Variants in FAM220A observed in about 807,000 individuals in gnomAD.
FAM220A encodes the protein protein FAM220A.
For synonymous variants in FAM220A, 141 were observed against 130.7 expected, an observed-to-expected ratio of 1.08 and a Z score of -0.54; for missense variants, 392 against 321.6, an observed-to-expected ratio of 1.22 and a Z score of -1.68.
chr7:6,343,431 T>C (rs201341661), intron 1 of FAM220A, among the ~76,000 whole-genome samples: 2 of 97,398 alleles, frequency 2.1e-5, no homozygotes, highest in East Asian at 1.2e-3. Context: ...TATATATATA[T>C]ATATATATAT....
chr7:6,334,089 G>A (rs557576170), intron 1 of FAM220A, among the ~76,000 whole-genome samples: 74 of 150,990 alleles, frequency 4.9e-4, no homozygotes, highest in Admixed American at 7.9e-4. Context: ...CTCGTGATCC[G>A]CCCACCTTGG....
chr7:6,337,086 T>TGA (rs1313018078), intron 1 of FAM220A, among the ~76,000 whole-genome samples: 1 of 151,690 alleles, frequency 6.6e-6, no homozygotes, highest in Non-Finnish European at 1.5e-5. Flanking sequence ...TTTTTTTTTT[T>TGA]GAGACAAGAG....
At chr7:6,338,233 G>A (rs1340255703) in intron 1 of FAM220A, among the ~76,000 whole-genome samples, 2 of 152,012 alleles carry the variant, frequency 1.3e-5, no homozygotes, top group African/African-American at 2.4e-5. Context: ...ATAATTTCTA[G>A]GCATATTTAA....
intron 1 of FAM220A, among the ~76,000 whole-genome samples, chr7:6,331,738 CTTT>C (rs376255551): frequency 0.3 from 35,575 of 117,332 alleles, 5,830 homozygotes; most frequent in African/African-American, 0.54. Flanking sequence ...ATAATAGAGG[CTTT>C]TTTTTTTTTT....
In FAM220A at chr7:6,330,687, T is replaced by C; in HGVS notation, c.468A>G (p.Pro156=). The change falls in exon 2 of 2, where the codon CCA becomes CCG. Residue 156 remains proline (P), a synonymous_variant. Coordinates refer to ENST00000313324, the MANE Select transcript of FAM220A (RefSeq NM_001037163.2). The part of the protein sequence containing the change: ...PKGEPRVSRL[P]RHQKVPEMGS... ...CCATTTCCGGCACTTTTTGATGGCG[T>C]GGCAGTCGTGACACCCGAGGCTCTC... 1 of 1,614,094 alleles carries C rather than the reference T, an allele frequency of 6.2e-7. No individual in the cohort carries two copies. The highest frequency in any genetic ancestry group is 8.5e-7 in the Non-Finnish European group (1 of 1,180,004).
chr7:6,346,045 A>C (rs2115151414), intron 1 of FAM220A, among the ~76,000 whole-genome samples: 1 of 152,292 alleles, frequency 6.6e-6, no homozygotes, highest in Non-Finnish European at 1.5e-5. Context: ...CTGGGATTAC[A>C]GGCATGAGAC....
rs750970480 is a variant in FAM220A, at chr7:6,330,721, C to A, written c.434G>T (p.Cys145Phe). The A allele has an allele frequency of 4.0e-5, 65 of 1,614,044 alleles. No homozygotes were observed. The highest frequency in any genetic ancestry group is 5.3e-5 in the Non-Finnish European group (62 of 1,180,046). The change falls in exon 2 of 2, where the codon TGC becomes TTC. Residue 145 changes from cysteine to phenylalanine, a missense_variant. Coordinates refer to ENST00000313324, the MANE Select transcript of FAM220A (RefSeq NM_001037163.2). ...TGACACCCGAGGCTCTCCTTTGGGG[C>A]ACTGTCCTCTGTGGCCGTCAGTGGC... Reference protein sequence around the residue: ...PRATDGHRGQCPKGEPRVSRL... With the variant: ...PRATDGHRGQFPKGEPRVSRL...
chr7:6,333,168 CA>C (rs111863837), intron 1 of FAM220A, among the ~76,000 whole-genome samples: 69,065 of 127,824 alleles, frequency 0.54, 18,323 homozygotes, highest in East Asian at 0.95. Flanking sequence ...ATAAAAAAAT[CA>C]AAAAAAAAAA....
At chr7:6,338,405 C>T (rs1781786909) in intron 1 of FAM220A, among the ~76,000 whole-genome samples, 1 of 152,048 alleles carries the variant, frequency 6.6e-6, no homozygotes, top group Non-Finnish European at 1.5e-5. Flanking sequence ...GTATTACAAA[C>T]AAAGGTAGCT....
At chr7:6,344,615 C>T (rs530061882) in intron 1 of FAM220A, among the ~76,000 whole-genome samples, 4 of 152,146 alleles carry the variant, frequency 2.6e-5, no homozygotes, top group Admixed American at 6.6e-5. Flanking sequence ...GACGGAGTTT[C>T]GCCCTGTTGC....
In FAM220A at chr7:6,336,966, A is replaced by AC. The variant is rs539356643; in HGVS notation, c.-81-5732dup. 7.6e-4 allele frequency among the ~76,000 whole-genome samples: 116 copies of AC among 151,906 alleles called. 1 individual carries two copies. Among genetic ancestry groups the AC allele is most frequent in the African/African-American group, 2.5e-3 (105 of 41,418 alleles). ...ACCATGGCTGGCCATATTCTTTCAAACCTTACATTTATTTTGCTGATGAAA... is the reference window on the plus strand; with the variant it reads ...ACCATGGCTGGCCATATTCTTTCAAACCCTTACATTTATTTTGCTGATGAAA... On this transcript the variant is annotated intron_variant, in intron 1 of 1. Transcript: ENST00000313324.
In FAM220A at chr7:6,348,638, G is replaced by A. The variant is rs1782001301; in HGVS notation, c.-147C>T. On this transcript the variant is annotated 5_prime_UTR_variant, in exon 1 of 2. Transcript: ENST00000313324. The stretch of plus-strand genomic sequence containing the variant: ...AGGTAGGGGAAGTTGATACGCAGCC[G>A]CCAGGCCAGGTCGAAGAAGATGAGC... 4.0e-6 allele frequency: 2 copies of A among 506,256 alleles called. No homozygotes were observed. The highest frequency in any genetic ancestry group is 3.0e-5 in the South Asian group (1 of 33,578). 31.4% of individuals were successfully genotyped at this position (506,256 alleles called of 1,614,324 possible).
intron 1 of FAM220A, among the ~76,000 whole-genome samples, chr7:6,348,266 T>G (rs1267013237): frequency 6.7e-6 from 1 of 148,186 alleles, no homozygotes; most frequent in Non-Finnish European, 1.5e-5. Context: ...AACTAGAAAA[T>G]TCACCCAACA....
At chr7:6,334,020 G>A (rs188128204) in intron 1 of FAM220A, among the ~76,000 whole-genome samples, 1,740 of 150,750 alleles carry the variant, frequency 0.012, 18 homozygotes, top group South Asian at 0.03. Context: ...CTAATTTTTC[G>A]TATTTTTAGT....
In FAM220A at chr7:6,329,982, GACTTTACAAGT is replaced by G; in HGVS notation, c.*382_*392del. 1 of 214,070 alleles carries G rather than the reference GACTTTACAAGT, an allele frequency of 4.7e-6. No homozygotes were observed. Among genetic ancestry groups the G allele is most frequent in the Non-Finnish European group, 1.0e-5 (1 of 98,504 alleles). 13.3% of individuals were successfully genotyped at this position (214,070 alleles called of 1,614,324 possible). On this transcript the variant is annotated 3_prime_UTR_variant, in exon 2 of 2. Transcript: ENST00000313324. ...ATTTAACGCCAAGTACAGTGGTGTA[GACTTTACAAGT>G]ATCCACTTCCATTGGGTGATCAGAC...
chr7:6,336,538 G>A (rs1422146542), intron 1 of FAM220A, among the ~76,000 whole-genome samples: 3 of 151,908 alleles, frequency 2.0e-5, no homozygotes, highest in Non-Finnish European at 2.9e-5. Flanking sequence ...AAAATTAGCT[G>A]GGTATGGTTG....
intron 1 of FAM220A, among the ~76,000 whole-genome samples, chr7:6,343,660 T>C (rs1781905992): frequency 6.6e-6 from 1 of 151,916 alleles, no homozygotes. Flanking sequence ...TAAGGCTTGC[T>C]TGCAAATAGT....
rs747873001 is a variant in FAM220A at position 6,330,820 on chromosome 7, T to C, written c.335A>G (p.Glu112Gly). 1.2e-6 allele frequency: 2 copies of C among 1,613,936 alleles called. No homozygotes were observed. Among genetic ancestry groups the C allele is most frequent in the Non-Finnish European group, 1.7e-6 (2 of 1,180,000 alleles). Residue 112 changes from glutamate (E) to glycine (G), a missense_variant, in exon 2 of 2, where the codon GAG (glutamate) becomes GGG (glycine). Physicochemically the swap from Glu to Gly is moderately conservative, Grantham distance 98 (BLOSUM62 -2). Coordinates refer to ENST00000313324, the MANE Select transcript of FAM220A (RefSeq NM_001037163.2). Reference sequence around the variant, plus strand: ...ACTGCAGGACACCCGAGCAAAACACTCTGTTGGAGCAGGGAACAAACCCAC... The same window carrying C: ...ACTGCAGGACACCCGAGCAAAACACCCTGTTGGAGCAGGGAACAAACCCAC... ...TAVGLFPAPT[E>G]CFARVSCSGV...
At chr7:6,337,917 C>T (rs1583238711) in intron 1 of FAM220A, among the ~76,000 whole-genome samples, 1 of 151,554 alleles carries the variant, frequency 6.6e-6, no homozygotes, top group Admixed American at 6.6e-5. Flanking sequence ...AATTCTCCTG[C>T]CTCACCCTCC....
Sources: gnomAD v4.1 joint callset for allele counts (sites outside exome capture counted in the v4.1 genomes callset) on GRCh38, gnomAD v4.1.1 for gene constraint, MANE v1.5 for transcripts, NCBI Gene and HGNC (gene_info 2026-07-23, HGNC 2026-07-21) for gene names.